The following SPINT2 variants were observed in gnomAD, a reference collection of about 807,000 sequenced individuals.
SPINT2 encodes the protein serine peptidase inhibitor, Kunitz type 2.
In SPINT2, 18 loss-of-function variants were observed where a neutral mutation model predicts 30.1. The observed-to-expected ratio is 0.60, with a 90% CI of 0.41 to 0.89. The LOEUF (loss-of-function observed/expected upper bound fraction) is 0.89, where lower values mean the gene tolerates loss of function less well. SPINT2 is among the 40% of genes least tolerant of loss of function. The pLI, the probability that SPINT2 is intolerant of heterozygous loss-of-function variation, is 0.00. For synonymous variants in SPINT2, 139 were observed against 137.9 expected (o/e 1.01, Z -0.05); for missense variants, 276 against 334.3 (o/e 0.83, Z 1.36).
chr19:38,264,804 T>C lies in SPINT2; in HGVS notation c.-89T>C. 2 of 1,365,384 alleles carry C rather than the reference T, an allele frequency of 1.5e-6. No individual in the cohort carries two copies. Among genetic ancestry groups the C allele is most frequent in the South Asian group, 1.3e-5 (1 of 79,096 alleles). 84.6% of individuals were successfully genotyped at this position (1,365,384 alleles called of 1,614,324 possible). On this transcript the variant is annotated 5_prime_UTR_variant, in exon 1 of 7. Coordinates refer to ENST00000301244, the MANE Select transcript of SPINT2 (RefSeq NM_021102.4). ...CGGCACCTGAACGCGAGGCGCTCCA[T>C]TGCGCGTGCGCGTTGAGGGGCTTCC... is the stretch of plus-strand genomic sequence containing the variant.
intron 2 of SPINT2, among the ~76,000 whole-genome samples, chr19:38,286,696 T>C (rs921146758): frequency 6.6e-6 from 1 of 152,050 alleles, no homozygotes; most frequent in African/African-American, 2.4e-5. Flanking sequence ...GGCAGGAGAA[T>C]GGTGTGAACC....
intron 1 of SPINT2, among the ~76,000 whole-genome samples, chr19:38,273,789 A>T (rs896680433): frequency 7.9e-5 from 12 of 151,988 alleles, no homozygotes; most frequent in African/African-American, 2.9e-4. Context: ...TTCCCTGTAT[A>T]TCCTCTTCCT....
At chr19:38,277,611 T>C (rs1268261628) in intron 1 of SPINT2, among the ~76,000 whole-genome samples, 1 of 152,212 alleles carries the variant, frequency 6.6e-6, no homozygotes, top group Non-Finnish European at 1.5e-5. Context: ...AGACTGTAGA[T>C]TGTTGTCTTA....
intron 1 of SPINT2, among the ~76,000 whole-genome samples, chr19:38,271,356 G>T (rs550491842): frequency 2.6e-5 from 4 of 152,072 alleles, no homozygotes; most frequent in South Asian, 4.1e-4. Context: ...GCCTCGCGTG[G>T]TGGCGGGCGC....
In SPINT2 at chr19:38,292,205, C is replaced by T; in HGVS notation, c.*199C>T. The T allele has an allele frequency of 1.6e-6, 1 of 642,180 alleles. No homozygotes were observed. Among genetic ancestry groups the T allele is most frequent in the Non-Finnish European group, 2.6e-6 (1 of 378,452 alleles). The allele number at this position is 642,180 out of a possible 1,614,324, so 39.8% of individuals were successfully genotyped here. ...AGGAGGCTCCTCCTCGCATGGCCTGCAGTCTGGCAGCAGCCCCGAGTTGTT... is the reference window on the plus strand; with the variant it reads ...AGGAGGCTCCTCCTCGCATGGCCTGTAGTCTGGCAGCAGCCCCGAGTTGTT... On this transcript the variant is annotated 3_prime_UTR_variant, in exon 7 of 7. Coordinates refer to ENST00000301244, the MANE Select transcript of SPINT2 (RefSeq NM_021102.4).
intron 4 of SPINT2, chr19:38,289,484 CAAAAAAAAAAAAAAAAA>C (rs58140440): frequency 3.0e-5 from 1 of 33,578 alleles, no homozygotes; most frequent in Non-Finnish European, 5.3e-5. Flanking sequence ...GACTCTGTCT[CAAAAAAAAAAAAAAAAA>C]AAAAAAAAAA....
At chr19:38,274,772 A>G (rs916572491) in intron 1 of SPINT2, among the ~76,000 whole-genome samples, 1 of 151,372 alleles carries the variant, frequency 6.6e-6, no homozygotes, top group African/African-American at 2.4e-5. Context: ...CCTAGATCGC[A>G]CTATTGCATT....
rs1196858567 is a variant in SPINT2 at position 38,292,609 on chromosome 19, T to C, written c.*603T>C. On this transcript the variant is annotated 3_prime_UTR_variant, in exon 7 of 7. Transcript: ENST00000301244. ...CCACAAGATGAAATAAATGTCCTAT[T>C]ACTGAGTGCCCGTGAACTTTCGCCA... The C allele has an allele frequency of 6.5e-6, 1 of 153,306 alleles. No homozygotes were observed. The highest frequency in any genetic ancestry group is 1.5e-5 in the Non-Finnish European group (1 of 68,790). 9.5% of individuals were successfully genotyped at this position (153,306 alleles called of 1,614,324 possible).
intron 1 of SPINT2, among the ~76,000 whole-genome samples, chr19:38,282,879 G>C (rs1345646099): frequency 1.3e-5 from 2 of 152,218 alleles, no homozygotes; most frequent in Non-Finnish European, 1.5e-5. Flanking sequence ...GGACTACCGA[G>C]GGTGCTGATA....
intron 1 of SPINT2, among the ~76,000 whole-genome samples, chr19:38,268,509 A>G (rs1968407510): frequency 6.6e-6 from 1 of 152,194 alleles, no homozygotes; most frequent in African/African-American, 2.4e-5. Context: ...CCAAACCAGA[A>G]CACAGGCCTG....
At chr19:38,286,715 G>A (rs1200853402) in intron 2 of SPINT2, among the ~76,000 whole-genome samples, 2 of 152,188 alleles carry the variant, frequency 1.3e-5, no homozygotes, top group African/African-American at 4.8e-5. Flanking sequence ...CCCGGGAGGT[G>A]GAGCTTGCAG....
intron 1 of SPINT2, among the ~76,000 whole-genome samples, chr19:38,282,377 C>T (rs114948719): frequency 7.9e-4 from 120 of 152,246 alleles, no homozygotes; most frequent in African/African-American, 2.8e-3. Context: ...TGCCCTTGTG[C>T]TGAGCAGGCA....
intron 1 of SPINT2, among the ~76,000 whole-genome samples, chr19:38,275,393 C>T (rs182643959): frequency 1.1e-4 from 17 of 152,180 alleles, no homozygotes; most frequent in Non-Finnish European, 2.5e-4. Context: ...GGTGCGATCT[C>T]AGCTCACTGC....
intron 1 of SPINT2, among the ~76,000 whole-genome samples, chr19:38,267,591 G>T (rs1968394726): frequency 6.6e-6 from 1 of 151,956 alleles, no homozygotes. Context: ...GCATGAGAGG[G>T]AGGTTCTGAA....
At chr19:38,282,767 C>T (rs999481593) in intron 1 of SPINT2, among the ~76,000 whole-genome samples, 4 of 152,106 alleles carry the variant, frequency 2.6e-5, no homozygotes, top group African/African-American at 7.2e-5. Context: ...TGCAGGCACT[C>T]GAGTTAAGAA....
At chr19:38,288,490 C>T (rs1249694742) in intron 3 of SPINT2, 1 of 214,106 alleles carries the variant, frequency 4.7e-6, no homozygotes, top group Non-Finnish European at 9.6e-6. Flanking sequence ...CATCGGGCGC[C>T]TGGGGTGAGT....
At chr19:38,287,061 G>T (rs564649217) in intron 2 of SPINT2, among the ~76,000 whole-genome samples, 31 of 152,324 alleles carry the variant, frequency 2.0e-4, no homozygotes, top group African/African-American at 6.3e-4. Context: ...TTGTTGCCCA[G>T]GTTGGAGTGC....
chr19:38,274,704 T>G (rs753453020), intron 1 of SPINT2, among the ~76,000 whole-genome samples: 5 of 151,646 alleles, frequency 3.3e-5, no homozygotes, highest in Admixed American at 1.3e-4. Flanking sequence ...GAGTCCTAGC[T>G]ACTCAGGAGG....
At chr19:38,283,198 C>G (rs758207091) in intron 1 of SPINT2, among the ~76,000 whole-genome samples, 1 of 152,010 alleles carries the variant, frequency 6.6e-6, no homozygotes, top group African/African-American at 2.4e-5. Flanking sequence ...GCCTGTAGTT[C>G]CAGTTGCTTA....
Sources: allele counts gnomAD v4.1 joint callset (sites outside exome capture counted in the v4.1 genomes callset), GRCh38; gene constraint gnomAD v4.1.1; transcripts MANE v1.5; gene names NCBI Gene and HGNC (gene_info 2026-07-23, HGNC 2026-07-21).